The following OR4F15 variants were observed in gnomAD, a reference collection of about 807,000 sequenced individuals.
OR4F15 encodes olfactory receptor 4F15.
In OR4F15, 7 loss-of-function variants were observed where a neutral mutation model predicts 11.9. That is an observed-to-expected ratio of 0.59 (90% CI 0.33 to 1.10). The LOEUF (loss-of-function observed/expected upper bound fraction) is 1.10, where lower values mean the gene tolerates loss of function less well. Ranked by LOEUF, OR4F15 falls within the 50% of genes least tolerant of loss-of-function variation. OR4F15 has a pLI of 0.03. For synonymous variants in OR4F15, 151 were observed against 134.6 expected (o/e 1.12, Z -0.84); for missense variants, 445 against 377.5 (o/e 1.18, Z -1.48).
At chr15:101,815,793 G>A (rs997050578) in intron 1 of OR4F15, among the ~76,000 whole-genome samples, 1 of 152,112 alleles carries the variant, frequency 6.6e-6, no homozygotes, top group Non-Finnish European at 1.5e-5. Flanking sequence ...GAACCACTCA[G>A]GAGATAATTA....
At position 101,818,447 on chromosome 15, in the gene OR4F15, G is replaced by C. The variant is rs138459892; in HGVS notation, c.261G>C (p.Lys87Asn). Residue 87 changes from lysine to asparagine, a missense_variant, in exon 2 of 2, where the codon AAG (lysine) becomes AAC (asparagine). Coordinates refer to ENST00000332238, the MANE Select transcript of OR4F15 (RefSeq NM_001001674.2). ...TAPKMICDIF[K>N]KHKAISFRGC... ...CTAAGATGATTTGTGATATTTTCAA[G>C]AAGCACAAGGCCATCTCCTTTCGGG... 6.2e-7 allele frequency: 1 copy of C among 1,614,092 alleles called. No homozygotes were observed. The highest frequency in any genetic ancestry group is 2.2e-5 in the East Asian group (1 of 44,880).
At chr15:101,818,029 ATGAGGGTTATTTGGC>A in intron 1 of OR4F15, 106 bp from the exon 2 acceptor site, 4 of 610,468 alleles carry the variant, frequency 6.6e-6, no homozygotes, top group Non-Finnish European at 1.2e-5. Flanking sequence ...GGTGCATGTG[ATGAGGGTTATTTGGC>A]TGTGTAAGAT....
rs769715733 is a variant in OR4F15, at chr15:101,818,588, C to T, written c.402C>T (p.Thr134=). 1.9e-6 allele frequency: 3 copies of T among 1,614,200 alleles called. No individual in the cohort carries two copies. The highest frequency in any genetic ancestry group is 2.2e-5 in the South Asian group (2 of 91,070). ...TATGTAAACCTCTCCACTACCTGAC[C>T]ATCATGAGCCCAAGAATGTGTCTAT... The part of the protein sequence containing the change: ...MAICKPLHYL[T]IMSPRMCLYF... The change falls in exon 2 of 2, where the codon ACC becomes ACT. Residue 134 remains threonine (T), a synonymous_variant. Coordinates refer to ENST00000332238, the MANE Select transcript of OR4F15 (RefSeq NM_001001674.2).
intron 1 of OR4F15, among the ~76,000 whole-genome samples, chr15:101,812,607 T>G (rs756934470): frequency 2.0e-5 from 3 of 152,208 alleles, no homozygotes; most frequent in Non-Finnish European, 4.4e-5. Context: ...TACTTCTATT[T>G]CTAGAGAAGA....
Position 101,818,751 on chromosome 15 carries a change from T to C in OR4F15, c.565T>C (p.Cys189Arg), listed in dbSNP as rs752586431. 1.9e-6 allele frequency: 3 copies of C among 1,614,206 alleles called. No individual in the cohort carries two copies. Among genetic ancestry groups the C allele is most frequent in the Non-Finnish European group, 2.5e-6 (3 of 1,180,016 alleles). ...TCTCCCTCGGCTCCTCAGACTTGCC[T>C]GTACCAACACCCAAGAACTGGAGTT... ...CDLPRLLRLA[C>R]TNTQELEFMV... The change falls in exon 2 of 2, where the codon TGT becomes CGT. Residue 189 changes from cysteine to arginine, a missense_variant. Cys to Arg is a radical substitution (Grantham distance 180). Transcript: ENST00000332238.
intron 1 of OR4F15, among the ~76,000 whole-genome samples, chr15:101,817,585 C>T (rs1292737633): frequency 6.6e-6 from 1 of 152,090 alleles, no homozygotes; most frequent in Non-Finnish European, 1.5e-5. Flanking sequence ...GAGTCTGGGG[C>T]ACATTGGGAA....
intron 1 of OR4F15, among the ~76,000 whole-genome samples, chr15:101,812,866 C>A (rs899334651): frequency 6.6e-6 from 1 of 152,140 alleles, no homozygotes; most frequent in Non-Finnish European, 1.5e-5. Flanking sequence ...GCAATAAATC[C>A]TCCTATACTT....
intron 1 of OR4F15, among the ~76,000 whole-genome samples, chr15:101,816,571 A>G (rs2141620906): frequency 6.6e-6 from 1 of 152,244 alleles, no homozygotes; most frequent in East Asian, 1.9e-4. Flanking sequence ...TGTAACAAGT[A>G]TTTACTGTAA....
chr15:101,818,751 T>G lies in OR4F15; in HGVS notation c.565T>G (p.Cys189Gly). 1.2e-6 allele frequency: 2 copies of G among 1,614,206 alleles called. No homozygotes were observed. Among genetic ancestry groups the G allele is most frequent in the South Asian group, 1.1e-5 (1 of 91,080 alleles). ...CDLPRLLRLA[C>G]TNTQELEFMV... ...TCTCCCTCGGCTCCTCAGACTTGCC[T>G]GTACCAACACCCAAGAACTGGAGTT... Residue 189 changes from cysteine to glycine, a missense_variant, in exon 2 of 2, where the codon TGT becomes GGT. Coordinates refer to ENST00000332238, the MANE Select transcript of OR4F15 (RefSeq NM_001001674.2).
intron 1 of OR4F15, among the ~76,000 whole-genome samples, chr15:101,815,561 C>T (rs1275755019): frequency 6.6e-6 from 1 of 152,156 alleles, no homozygotes; most frequent in Admixed American, 6.5e-5. Context: ...TAGAGTGAGA[C>T]TCCCCAGGTA....
chr15:101,813,525 AAT>A (rs71458709), intron 1 of OR4F15, among the ~76,000 whole-genome samples: 5 of 150,714 alleles, frequency 3.3e-5, no homozygotes, highest in Non-Finnish European at 7.4e-5. Context: ...AAAAAAAAAA[AAT>A]GCATGATACC....
At chr15:101,815,094 G>A (rs1190648816) in intron 1 of OR4F15, among the ~76,000 whole-genome samples, 1 of 152,094 alleles carries the variant, frequency 6.6e-6, no homozygotes, top group Non-Finnish European at 1.5e-5. Context: ...ACAAGTGTTT[G>A]TCAGTTTATA....
rs748542984 is a variant in OR4F15 at position 101,818,418 on chromosome 15, GC to G, written c.236del (p.Pro79LeufsTer3). On this transcript the variant is annotated frameshift_variant, in exon 2 of 2. Coordinates refer to ENST00000332238, the MANE Select transcript of OR4F15 (RefSeq NM_001001674.2). LOFTEE classifies it high-confidence loss of function. ...TGATATGGCATTTTGCTCAATTACA[GC>G]CCCTAAGATGATTTGTGATATTTTC... ...IIDMAFCSIT[A>X]PKMICDIFKK... is the part of the protein sequence containing the mutation. 6.2e-7 allele frequency: 1 copy of G among 1,614,002 alleles called. No individual in the cohort carries two copies. Among genetic ancestry groups the G allele is most frequent in the East Asian group, 2.2e-5 (1 of 44,874 alleles).
intron 1 of OR4F15, among the ~76,000 whole-genome samples, chr15:101,812,498 T>C (rs1030574185): frequency 1.3e-5 from 2 of 152,154 alleles, no homozygotes; most frequent in African/African-American, 4.8e-5. Flanking sequence ...CTAGGATGCA[T>C]GTAAAGTTGT....
rs1215764531 is a variant in OR4F15 at position 101,819,807 on chromosome 15, C to T, written c.*682C>T. 1 of 152,442 alleles carries T rather than the reference C, an allele frequency of 6.6e-6. No individual in the cohort carries two copies. The highest frequency in any genetic ancestry group is 1.5e-5 in the Non-Finnish European group (1 of 68,272). The allele number at this position is 152,442 out of a possible 1,614,324, so 9.4% of individuals were successfully genotyped here. A position where few individuals can be genotyped will look rare whatever the true frequency, so the allele number is the denominator to read the frequency against. On this transcript the variant is annotated 3_prime_UTR_variant, in exon 2 of 2. Transcript: ENST00000332238. ...GGGATTATAGGCATGAGCCACCGCG[C>T]CTGGCCTGTTTAGTATCTAGCTCTC...
intron 1 of OR4F15, among the ~76,000 whole-genome samples, chr15:101,815,598 A>G (rs1020177561): frequency 1.3e-5 from 2 of 152,152 alleles, no homozygotes; most frequent in Non-Finnish European, 2.9e-5. Context: ...CTTTCTTCAA[A>G]TGTTCTTACC....
chr15:101,814,410 AT>A (rs113266248), intron 1 of OR4F15, among the ~76,000 whole-genome samples: 7 of 151,816 alleles, frequency 4.6e-5, no homozygotes, highest in Non-Finnish European at 7.4e-5. Flanking sequence ...GCCAGCTGTT[AT>A]TTTTTTTGTC....
chr15:101,818,170 T>A lies in OR4F15; in HGVS notation c.-17T>A. ...TTCAGGTAAGTAACATGAAAACTGA[T>A]CTTGGAGTCTGAGGCAATGAATGGA... is the stretch of plus-strand genomic sequence containing the variant. On this transcript the variant is annotated 5_prime_UTR_variant, in exon 2 of 2. Coordinates refer to ENST00000332238, the MANE Select transcript of OR4F15 (RefSeq NM_001001674.2). 1 of 1,525,192 alleles carries A rather than the reference T, an allele frequency of 6.6e-7. No individual in the cohort carries two copies. Among genetic ancestry groups the A allele is most frequent in the Non-Finnish European group, 9.0e-7 (1 of 1,110,382 alleles). The allele number at this position is 1,525,192 out of a possible 1,614,324, so 94.5% of individuals were successfully genotyped here.
chr15:101,819,390 T>A lies in OR4F15; in HGVS notation c.*265T>A. 2.7e-6 allele frequency: 1 copy of A among 371,550 alleles called. No individual in the cohort carries two copies. The highest frequency in any genetic ancestry group is 4.8e-6 in the Non-Finnish European group (1 of 207,516). 23.0% of individuals were successfully genotyped at this position (371,550 alleles called of 1,614,324 possible). On this transcript the variant is annotated 3_prime_UTR_variant, in exon 2 of 2. Coordinates refer to ENST00000332238, the MANE Select transcript of OR4F15 (RefSeq NM_001001674.2). ...TTGTTCTAGGTGAGTGCCATGTAATTGAACAAATAACAATACTATGTCTTT... is the reference window on the plus strand; with the variant it reads ...TTGTTCTAGGTGAGTGCCATGTAATAGAACAAATAACAATACTATGTCTTT...
Sources: allele counts gnomAD v4.1 joint callset (sites outside exome capture counted in the v4.1 genomes callset), GRCh38; gene constraint gnomAD v4.1.1; transcripts MANE v1.5; gene names NCBI Gene and HGNC (gene_info 2026-07-23, HGNC 2026-07-21).